The following PTK2B variants were observed in gnomAD, a reference collection of about 807,000 sequenced individuals.
The protein encoded by PTK2B is protein tyrosine kinase 2 beta, also known as protein-tyrosine kinase 2-beta.
Under a neutral mutation model 142.9 loss-of-function variants are expected in PTK2B, and 71 were observed. That is an observed-to-expected ratio of 0.50 (90% CI 0.41 to 0.61). The LOEUF is 0.61. Among genes scored for constraint, PTK2B ranks in the 20% least tolerant of loss-of-function variants. PTK2B has a pLI of 0.00. For missense variants in PTK2B, 1,105 were observed against 1,320.4 expected (o/e 0.84, Z 2.53); for synonymous variants, 519 against 503.4 (o/e 1.03, Z -0.42).
chr8:27,358,200 A>C (rs1168896183), intron 1 of PTK2B, among the ~76,000 whole-genome samples: 1 of 152,188 alleles, frequency 6.6e-6, no homozygotes, highest in Non-Finnish European at 1.5e-5. Flanking sequence ...AGGGCTGTGG[A>C]TATAGCTCTG....
intron 1 of PTK2B, chr8:27,311,752 A>G (rs1364336457): frequency 6.4e-6 from 1 of 155,160 alleles, no homozygotes; most frequent in African/African-American, 2.4e-5. Context: ...CTTTTTGAGG[A>G]CCTATGCCAC....
At chr8:27,325,727 AGTT>A (rs1803368175) in intron 1 of PTK2B, 46 bp downstream of exon 1, 1 of 152,186 alleles carries the variant, frequency 6.6e-6, no homozygotes, top group South Asian at 2.1e-4. Context: ...GCCCGGCAGA[AGTT>A]GGAGGCTTGA....
intron 1 of PTK2B, among the ~76,000 whole-genome samples, chr8:27,348,471 T>C (rs950658999): frequency 1.3e-5 from 2 of 152,188 alleles, no homozygotes; most frequent in African/African-American, 4.8e-5. Flanking sequence ...ACTCCAGCCT[T>C]GTGCATCATC....
At chr8:27,337,622 C>T (rs149526318) in intron 1 of PTK2B, among the ~76,000 whole-genome samples, 205 of 152,330 alleles carry the variant, frequency 1.3e-3, no homozygotes, top group African/African-American at 4.6e-3. Flanking sequence ...TGTGGCCTTT[C>T]GCGACGGCTG....
chr8:27,379,431 T>TG (rs1193603869), intron 1 of PTK2B, among the ~76,000 whole-genome samples: 1 of 152,182 alleles, frequency 6.6e-6, no homozygotes, highest in Admixed American at 6.5e-5. Flanking sequence ...GTCTTGCCTG[T>TG]GGCCCAGGCT....
chr8:27,358,229 G>GC (rs1425631644), intron 1 of PTK2B, among the ~76,000 whole-genome samples: 1 of 152,196 alleles, frequency 6.6e-6, no homozygotes, highest in Non-Finnish European at 1.5e-5. Flanking sequence ...GTTCAGCTGA[G>GC]TTAAGCCATC....
chr8:27,417,333 A>G (rs1233804810), intron 2 of PTK2B, among the ~76,000 whole-genome samples: 4 of 152,206 alleles, frequency 2.6e-5, no homozygotes, highest in Non-Finnish European at 2.9e-5. Context: ...AGACACCAAA[A>G]AAGTGTATGC....
chr8:27,354,356 A>G (rs1319591797), intron 1 of PTK2B, among the ~76,000 whole-genome samples: 1 of 152,128 alleles, frequency 6.6e-6, no homozygotes, highest in East Asian at 1.9e-4. Flanking sequence ...CCAGGCCAGG[A>G]CGGGGAGGAA....
chr8:27,314,055 T>TA (rs1426414834), intron 3 of PTK2B, among the ~76,000 whole-genome samples: 1 of 152,184 alleles, frequency 6.6e-6, no homozygotes, highest in Non-Finnish European at 1.5e-5. Flanking sequence ...TAACTACCTG[T>TA]AACATACCTG....
chr8:27,432,434 A>G (rs913621435), intron 10 of PTK2B, 73 bp downstream of exon 10: 146 of 1,434,670 alleles, frequency 1.0e-4, no homozygotes, highest in Non-Finnish European at 1.2e-4. Flanking sequence ...GCTCTTGCTC[A>G]GACCAAAAGT....
At chr8:27,366,209 G>A (rs1180735999) in intron 1 of PTK2B, among the ~76,000 whole-genome samples, 2 of 152,186 alleles carry the variant, frequency 1.3e-5, no homozygotes, top group Admixed American at 6.5e-5. Flanking sequence ...CTCCATTGCT[G>A]ATCCTAGAAT....
intron 1 of PTK2B, among the ~76,000 whole-genome samples, chr8:27,354,551 A>G (rs1416526265): frequency 6.6e-6 from 1 of 152,214 alleles, no homozygotes; most frequent in Non-Finnish European, 1.5e-5. Flanking sequence ...TGCGGCCGGC[A>G]GGTATGTTGA....
upstream of PTK2B, chr8:27,311,222 G>A (rs994849862): frequency 6.4e-7 from 1 of 1,561,256 alleles, no homozygotes; most frequent in East Asian, 2.3e-5. Flanking sequence ...GGACACGTCG[G>A]GACTCCGCTC....
chr8:27,348,028 T>A (rs1804817074), intron 1 of PTK2B, among the ~76,000 whole-genome samples: 1 of 152,226 alleles, frequency 6.6e-6, no homozygotes, highest in African/African-American at 2.4e-5. Context: ...CCTAGCAATG[T>A]GGACCTGGAG....
At chr8:27,403,261 C>T (rs1014469327) in intron 2 of PTK2B, among the ~76,000 whole-genome samples, 1 of 152,236 alleles carries the variant, frequency 6.6e-6, no homozygotes, top group African/African-American at 2.4e-5. Flanking sequence ...TCCTGACACC[C>T]CCACATAGGA....
Position 27,420,718 on chromosome 8 carries a change from A to G in PTK2B, c.445A>G (p.Thr149Ala). The G allele has an allele frequency of 6.2e-7, 1 of 1,613,898 alleles. No homozygotes were observed. Among genetic ancestry groups the G allele is most frequent in the Non-Finnish European group, 8.5e-7 (1 of 1,179,824 alleles). Residue 149 changes from threonine to alanine, a missense_variant, in exon 4 of 31, where the codon ACC becomes GCC. Transcript: ENST00000346049. ...DFMESLKEDR[T>A]TLLYFYQQLR... The stretch of plus-strand genomic sequence containing the variant: ...CATGGAGAGCCTGAAGGAGGACAGG[A>G]CCACGCTGCTCTATTTTTACCAACA...
At chr8:27,454,432 C>A in intron 29 of PTK2B, 99 bp from the exon 30 acceptor site, 2 of 1,549,478 alleles carry the variant, frequency 1.3e-6, no homozygotes, top group East Asian at 4.5e-5. Context: ...AGGCCACTCG[C>A]GGGGGACAAG....
At chr8:27,343,581 C>T (rs1422976453) in intron 1 of PTK2B, among the ~76,000 whole-genome samples, 1 of 152,218 alleles carries the variant, frequency 6.6e-6, no homozygotes, top group Non-Finnish European at 1.5e-5. Context: ...ATGCCCAGCT[C>T]ACAGAATGCA....
intron 3 of PTK2B, among the ~76,000 whole-genome samples, chr8:27,320,062 G>A (rs957880037): frequency 4.6e-5 from 7 of 152,152 alleles, no homozygotes; most frequent in Non-Finnish European, 8.8e-5. Context: ...GCATTGGGGT[G>A]GAGCCACAGG....
Sources: gnomAD v4.1 joint callset for allele counts (sites outside exome capture counted in the v4.1 genomes callset) on GRCh38, gnomAD v4.1.1 for gene constraint, MANE v1.5 for transcripts, NCBI Gene and HGNC (gene_info 2026-07-23, HGNC 2026-07-21) for gene names.